Variants in PRKCH observed in about 807,000 individuals in gnomAD.
PRKCH encodes protein kinase C eta.
Under a neutral mutation model 82.5 loss-of-function variants are expected in PRKCH, and 28 were observed. The observed-to-expected ratio is 0.34, with a 90% CI of 0.25 to 0.47. PRKCH has a LOEUF of 0.47. Among genes scored for constraint, PRKCH ranks in the 20% least tolerant of loss-of-function variants. The probability of loss-of-function intolerance (pLI) is 1.00; values close to 1 mark genes in which losing one functional copy is unlikely to be tolerated. For missense variants in PRKCH, 705 were observed against 881.8 expected (o/e 0.80, Z 2.54); for synonymous variants, 322 against 327.4 (o/e 0.98, Z 0.18).
chr14:61,350,347 G>A (rs751476971), intron 1 of PRKCH, among the ~76,000 whole-genome samples: 8 of 152,130 alleles, frequency 5.3e-5, no homozygotes, highest in Non-Finnish European at 1.0e-4. Flanking sequence ...CCCTTGCCCC[G>A]CCTGTTTCTT....
At chr14:61,207,949 A>G (rs181885717) in intron 1 of PRKCH, among the ~76,000 whole-genome samples, 4 of 152,352 alleles carry the variant, frequency 2.6e-5, no homozygotes, top group African/African-American at 4.8e-5. Flanking sequence ...CCAGCCTGAC[A>G]TGGACATTAG....
chr14:61,461,562 A>G (rs944953881), intron 9 of PRKCH, among the ~76,000 whole-genome samples: 64 of 152,340 alleles, frequency 4.2e-4, no homozygotes, highest in African/African-American at 1.5e-3. Context: ...CTTTGAGTCA[A>G]GCAGTCAACT....
chr14:61,284,121 C>T (rs951801103), intron 1 of PRKCH, among the ~76,000 whole-genome samples: 2 of 152,202 alleles, frequency 1.3e-5, no homozygotes, highest in Non-Finnish European at 2.9e-5. Flanking sequence ...TTTCAGAGAA[C>T]AGGTGCAGAG....
chr14:61,458,502 G>T (rs1350612816), intron 9 of PRKCH, among the ~76,000 whole-genome samples: 1 of 152,178 alleles, frequency 6.6e-6, no homozygotes, highest in Non-Finnish European at 1.5e-5. Flanking sequence ...AAGGGCAGGG[G>T]CTGAAGGGCT....
chr14:61,501,342 A>T, intron 10 of PRKCH, among the ~76,000 whole-genome samples: 1 of 152,166 alleles, frequency 6.6e-6, no homozygotes, highest in African/African-American at 2.4e-5. Context: ...TGCAACAATT[A>T]AAAGAAAGAA....
At chr14:61,202,253 G>A (rs1197523371) in intron 1 of PRKCH, among the ~76,000 whole-genome samples, 1 of 152,190 alleles carries the variant, frequency 6.6e-6, no homozygotes, top group African/African-American at 2.4e-5. Context: ...AGAGATGGGA[G>A]AAAACAAGGA....
intron 1 of PRKCH, among the ~76,000 whole-genome samples, chr14:61,251,399 A>G (rs980940421): frequency 6.6e-6 from 1 of 151,976 alleles, no homozygotes; most frequent in African/African-American, 2.4e-5. Context: ...CTCTATCTTC[A>G]TGAGTTCAGT....
At chr14:61,344,042 T>C (rs2045961199) in intron 1 of PRKCH, among the ~76,000 whole-genome samples, 2 of 152,184 alleles carry the variant, frequency 1.3e-5, no homozygotes, top group African/African-American at 4.8e-5. Context: ...GATATCAGTA[T>C]ATCATCAGAA....
intron 2 of PRKCH, among the ~76,000 whole-genome samples, chr14:61,438,669 C>G (rs1025700518): frequency 2.0e-5 from 3 of 152,078 alleles, no homozygotes; most frequent in Non-Finnish European, 4.4e-5. Flanking sequence ...AGACATACTC[C>G]TCATCCACAG....
Position 61,461,376 on chromosome 14 carries a change from A to G in PRKCH, c.1278+3697A>G, listed in dbSNP as rs1286644189. ...TTGAGGCTTGAGAGGGATAGCTGGTAGCTGATACTGGTTGCCCGCCGGGGT... is the reference window on the plus strand; with the variant it reads ...TTGAGGCTTGAGAGGGATAGCTGGTGGCTGATACTGGTTGCCCGCCGGGGT... On this transcript the variant is annotated intron_variant, in intron 9 of 13. Coordinates refer to ENST00000332981, the MANE Select transcript of PRKCH (RefSeq NM_006255.5). Among the ~76,000 whole-genome samples, 3 of 152,224 alleles carry G rather than the reference A, an allele frequency of 2.0e-5. No homozygotes were observed. In the East Asian group the frequency reaches 5.8e-4, roughly 29 times the overall value.
chr14:61,511,129 A>G (rs962680778), intron 10 of PRKCH, among the ~76,000 whole-genome samples: 1 of 152,196 alleles, frequency 6.6e-6, no homozygotes, highest in African/African-American at 2.4e-5. Flanking sequence ...TAATGACTCA[A>G]GTAGAGCCTC....
At chr14:61,456,863 C>T (rs1243616325) in intron 7 of PRKCH, 12 of 219,958 alleles carry the variant, frequency 5.5e-5, no homozygotes, top group Non-Finnish European at 1.1e-4. Flanking sequence ...CCGTGGAAAG[C>T]CACCGCAGAA....
chr14:61,417,356 G>A (rs1328432011), intron 2 of PRKCH, among the ~76,000 whole-genome samples: 1 of 151,788 alleles, frequency 6.6e-6, no homozygotes, highest in African/African-American at 2.4e-5. Flanking sequence ...TGATTTCTAG[G>A]GCTTTAACTG....
intron 10 of PRKCH, among the ~76,000 whole-genome samples, chr14:61,507,056 C>G (rs1198421890): frequency 6.6e-6 from 1 of 152,082 alleles, no homozygotes; most frequent in Non-Finnish European, 1.5e-5. Context: ...GGGTTAGTAT[C>G]CAAAGCATAT....
Position 61,549,962 on chromosome 14 carries a change from C to G in PRKCH, c.*131C>G. On this transcript the variant is annotated 3_prime_UTR_variant, in exon 14 of 14. Coordinates refer to ENST00000332981, the MANE Select transcript of PRKCH (RefSeq NM_006255.5). ...TTACCTTCAAGGAGCAAGTGAAGAA[C>G]TCTGTGAAGGATGGAACTTTCAGAT... 1.0e-6 allele frequency: 1 copy of G among 991,490 alleles called. No individual in the cohort carries two copies. Among genetic ancestry groups the G allele is most frequent in the South Asian group, 1.7e-5 (1 of 57,984 alleles). 61.4% of individuals were successfully genotyped at this position (991,490 alleles called of 1,614,324 possible).
intron 9 of PRKCH, among the ~76,000 whole-genome samples, chr14:61,483,438 G>A (rs1886070809): frequency 6.6e-6 from 1 of 152,254 alleles, no homozygotes; most frequent in Non-Finnish European, 1.5e-5. Context: ...CCAACCCGAA[G>A]AGTTGTTTTG....
chr14:61,437,018 C>T (rs963069328), intron 2 of PRKCH, among the ~76,000 whole-genome samples: 2 of 152,206 alleles, frequency 1.3e-5, no homozygotes, highest in East Asian at 1.9e-4. Context: ...GTGATTTATT[C>T]GCTCAGTGCC....
chr14:61,387,457 A>G (rs532982321), intron 1 of PRKCH, among the ~76,000 whole-genome samples: 2 of 152,354 alleles, frequency 1.3e-5, no homozygotes, highest in Non-Finnish European at 2.9e-5. Context: ...GACAGTGTCC[A>G]CTGGAGCTGT....
At chr14:61,445,628 T>G (rs1884183727) in intron 3 of PRKCH, 64 bp from the exon 4 acceptor site, 1 of 1,434,512 alleles carries the variant, frequency 7.0e-7, no homozygotes, top group African/African-American at 1.4e-5. Flanking sequence ...TTGTTTTCCT[T>G]AAGGACTATA....
Sources: gnomAD v4.1 joint callset for allele counts (sites outside exome capture counted in the v4.1 genomes callset) on GRCh38, gnomAD v4.1.1 for gene constraint, MANE v1.5 for transcripts, NCBI Gene and HGNC (gene_info 2026-07-23, HGNC 2026-07-21) for gene names.